Variants in ZNF717 observed in about 807,000 individuals in gnomAD.
The protein encoded by ZNF717 is zinc finger protein 717.
Under a neutral mutation model 13.8 loss-of-function variants are expected in ZNF717, and 9 were observed. That is an observed-to-expected ratio of 0.65 (90% CI 0.39 to 1.14). The LOEUF (loss-of-function observed/expected upper bound fraction) is 1.14. ZNF717 is among the 50% of genes most tolerant of loss of function. ZNF717 has a pLI of 0.01. For missense variants in ZNF717, 1,040 were observed against 1,080.7 expected, an observed-to-expected ratio of 0.96 and a Z score of 0.53; for synonymous variants, 327 against 364.1, an observed-to-expected ratio of 0.90 and a Z score of 1.16.
intron 2 of ZNF717, among the ~76,000 whole-genome samples, chr3:75,775,478 A>T (rs1443296814): frequency 6.6e-6 from 1 of 152,248 alleles, no homozygotes; most frequent in Non-Finnish European, 1.5e-5. Context: ...ACTCGTGAGC[A>T]CAGGTTTCTA....
chr3:75,751,176 C>T (rs1575832473), intron 2 of ZNF717, among the ~76,000 whole-genome samples: 1 of 151,976 alleles, frequency 6.6e-6, no homozygotes. Flanking sequence ...ATGTTTATTT[C>T]TCACAAAGGA....
intron 2 of ZNF717, among the ~76,000 whole-genome samples, chr3:75,761,744 T>C (rs1220685819): frequency 1.3e-5 from 2 of 152,192 alleles, no homozygotes; most frequent in Non-Finnish European, 2.9e-5. Context: ...CAAATAAAAT[T>C]TTAAAAACAG....
intron 2 of ZNF717, among the ~76,000 whole-genome samples, chr3:75,750,158 T>G (rs80160723): frequency 6.6e-6 from 1 of 151,616 alleles, no homozygotes; most frequent in South Asian, 2.1e-4. Flanking sequence ...TACAAGGGTC[T>G]GAATGTTTGT....
intron 2 of ZNF717, among the ~76,000 whole-genome samples, chr3:75,744,476 G>T (rs1940905494): frequency 6.6e-6 from 1 of 152,248 alleles, no homozygotes; most frequent in South Asian, 2.1e-4. Context: ...CCCCAGGATT[G>T]CAGAGACAGA....
At chr3:75,774,412 C>A (rs1944145463) in intron 2 of ZNF717, among the ~76,000 whole-genome samples, 1 of 152,010 alleles carries the variant, frequency 6.6e-6, no homozygotes, top group South Asian at 2.1e-4. Context: ...TCAAAACTGT[C>A]TTCTCTGACC....
intron 4 of ZNF717, among the ~76,000 whole-genome samples, chr3:75,721,232 AATGCCTAAAT>A (rs1283521435): frequency 6.6e-6 from 1 of 152,242 alleles, no homozygotes; most frequent in Non-Finnish European, 1.5e-5. Context: ...TGATAGAATT[AATGCCTAAAT>A]ATGCCTAAAT....
At chr3:75,749,143 C>T (rs1476392563) in intron 2 of ZNF717, among the ~76,000 whole-genome samples, 5 of 151,474 alleles carry the variant, frequency 3.3e-5, no homozygotes, top group East Asian at 1.9e-4. Context: ...AACACTGCTA[C>T]GAGGGTCTGA....
chr3:75,721,439 G>A (rs1201922350), intron 4 of ZNF717, among the ~76,000 whole-genome samples: 5 of 152,016 alleles, frequency 3.3e-5, no homozygotes, highest in African/African-American at 1.2e-4. Context: ...GCGCCAGCAC[G>A]CCTGGCTAAT....
At chr3:75,752,394 C>T (rs1269640756) in intron 2 of ZNF717, among the ~76,000 whole-genome samples, 2 of 112,628 alleles carry the variant, frequency 1.8e-5, no homozygotes, top group Non-Finnish European at 3.9e-5. Context: ...AACACTGCTT[C>T]GAGGGCCTAA....
intron 2 of ZNF717, among the ~76,000 whole-genome samples, chr3:75,775,708 C>G (rs1448056883): frequency 6.6e-6 from 1 of 151,988 alleles, no homozygotes; most frequent in Admixed American, 6.6e-5. Context: ...CAAAAATTAG[C>G]CGGGTGTGGT....
At chr3:75,743,223 A>G (rs1395950574) in intron 2 of ZNF717, among the ~76,000 whole-genome samples, 3 of 152,258 alleles carry the variant, frequency 2.0e-5, no homozygotes, top group Non-Finnish European at 1.5e-5. Context: ...TAGATTACAT[A>G]TAATACTGAA....
intron 6 of ZNF717, among the ~76,000 whole-genome samples, chr3:75,696,626 C>G: frequency 6.6e-6 from 1 of 152,054 alleles, no homozygotes; most frequent in Non-Finnish European, 1.5e-5. Context: ...GGCACAATGG[C>G]TCACGCCTGT....
intron 2 of ZNF717, among the ~76,000 whole-genome samples, chr3:75,777,042 T>C (rs1944374063): frequency 6.6e-6 from 1 of 152,152 alleles, no homozygotes; most frequent in Non-Finnish European, 1.5e-5. Context: ...GTCGTAAGAG[T>C]CTCCCTGGTG....
intron 2 of ZNF717, among the ~76,000 whole-genome samples, chr3:75,744,025 A>G (rs199803456): frequency 6.8e-4 from 102 of 150,852 alleles, no homozygotes; most frequent in African/African-American, 2.4e-3. Context: ...CATCAGACCA[A>G]ATGAAAATAA....
intron 6 of ZNF717, among the ~76,000 whole-genome samples, chr3:75,703,092 T>C (rs6791486): frequency 0.027 from 3,912 of 146,940 alleles, no homozygotes; most frequent in African/African-American, 0.1. Context: ...GGTACAGCCT[T>C]ATTAAATTTG....
At chr3:75,705,203 GA>G (rs1937780177), downstream of ZNF717, among the ~76,000 whole-genome samples, 1 of 152,280 alleles carries the variant, frequency 6.6e-6, no homozygotes, top group Non-Finnish European at 1.5e-5. Context: ...ACAGCAGTGT[GA>G]AAATGGACTA....
In ZNF717 at chr3:75,736,812, C is replaced by A. The variant is rs1260531427; in HGVS notation, c.*66G>T. 42 of 1,449,010 alleles carry A rather than the reference C, an allele frequency of 2.9e-5. No individual in the cohort carries two copies. The highest frequency in any genetic ancestry group is 3.3e-5 in the Non-Finnish European group (36 of 1,091,526). 89.8% of individuals were successfully genotyped at this position (1,449,010 alleles called of 1,614,324 possible). A position where few individuals can be genotyped will look rare whatever the true frequency, so the allele number is the denominator to read the frequency against. ...AGGAGGTAATGGTCACCATTTGTGT[C>A]CATATTCTCCTAGACTGAGCATGGA... On this transcript the variant is annotated 3_prime_UTR_variant, in exon 5 of 5. Transcript: ENST00000652011.
intron 2 of ZNF717, among the ~76,000 whole-genome samples, chr3:75,760,370 T>C (rs182426590): frequency 1.7e-3 from 262 of 152,348 alleles, no homozygotes; most frequent in African/African-American, 5.7e-3. Context: ...AGTTTACATT[T>C]CTGAGTTAAG....
intron 5 of ZNF717, among the ~76,000 whole-genome samples, chr3:75,714,308 C>T (rs1459829383): frequency 9.2e-5 from 14 of 151,998 alleles, no homozygotes; most frequent in African/African-American, 1.9e-4. Context: ...GACCACGGTC[C>T]GCTTAGGTCA....
Sources: allele counts gnomAD v4.1 joint callset (sites outside exome capture counted in the v4.1 genomes callset), GRCh38; gene constraint gnomAD v4.1.1; transcripts MANE v1.5; gene names NCBI Gene and HGNC (gene_info 2026-07-23, HGNC 2026-07-21).